The following RBM33 variants were observed in gnomAD, a reference collection of about 807,000 sequenced individuals.
The protein encoded by RBM33 is RNA binding motif protein 33.
In RBM33, 28 loss-of-function variants were observed where a neutral mutation model predicts 132.6. The observed-to-expected ratio is 0.21, with a 90% confidence interval of 0.16 to 0.29. The LOEUF (loss-of-function observed/expected upper bound fraction) is 0.29. Ranked by LOEUF, RBM33 falls within the 10% of genes least tolerant of loss-of-function variation. RBM33 has a pLI of 1.00. For synonymous variants in RBM33, 634 were observed against 593.0 expected, an observed-to-expected ratio of 1.07 and a Z score of -1.01; for missense variants, 1,291 against 1,518.5, an observed-to-expected ratio of 0.85 and a Z score of 2.49.
chr7:155,656,258 T>A (rs1335092412), intron 1 of RBM33, among the ~76,000 whole-genome samples: 1 of 152,222 alleles, frequency 6.6e-6, no homozygotes, highest in Non-Finnish European at 1.5e-5. Context: ...GTGTTAGCAT[T>A]TGGAGTACTA....
Position 155,774,703 on chromosome 7 carries a change from T to A in RBM33, c.3464+56T>A. On this transcript the variant is annotated intron_variant, in intron 17 of 17. Transcript: ENST00000401878. The surrounding 1 kb of genome is among the most constrained non-coding windows in gnomAD (Gnocchi z 4.2). ...AAGGGGGCGGGAGCAAGGCCCTCCT[T>A]CCTGTGCCCTCCCATCCATCATGGT... 11 of 1,315,196 alleles carry A rather than the reference T, an allele frequency of 8.4e-6. No individual in the cohort carries two copies. The highest frequency in any genetic ancestry group is 1.2e-5 in the Non-Finnish European group (11 of 907,346). 81.5% of individuals were successfully genotyped at this position (1,315,196 alleles called of 1,614,324 possible). A position where few individuals can be genotyped will look rare whatever the true frequency, so the allele number is the denominator to read the frequency against.
chr7:155,702,763 G>C (rs1258712339), intron 6 of RBM33, among the ~76,000 whole-genome samples: 1 of 152,192 alleles, frequency 6.6e-6, no homozygotes, highest in African/African-American at 2.4e-5. Flanking sequence ...GGAAGAGAAG[G>C]ATTAGTCATC....
At position 155,711,235 on chromosome 7, in the gene RBM33, TCAG is replaced by T. The variant is rs759672614; in HGVS notation, c.989_991del (p.Gln330del). ...CTCCCCCTCCACCGCCACCGCCGCC[TCAG>T]CAGCAGCCGATCAGAAGCCTGTTCC... On this transcript the variant is annotated inframe_deletion, in exon 8 of 18. Transcript: ENST00000401878. 2.8e-5 allele frequency: 45 copies of T among 1,592,504 alleles called. No homozygotes were observed. Among genetic ancestry groups the T allele is most frequent in the South Asian group, 4.5e-5 (4 of 88,666 alleles).
chr7:155,727,510 T>G (rs1800826082), intron 9 of RBM33, among the ~76,000 whole-genome samples: 1 of 152,144 alleles, frequency 6.6e-6, no homozygotes, highest in Non-Finnish European at 1.5e-5. Context: ...AAAGTGCCAC[T>G]TGTGTGCAAA....
chr7:155,700,646 C>A, intron 5 of RBM33, 127 bp from the exon 6 acceptor site: 5 of 475,272 alleles, frequency 1.1e-5, no homozygotes, highest in Middle Eastern at 7.8e-4. Flanking sequence ...GGCCTTTTAA[C>A]AGGACATTTT....
intron 9 of RBM33, among the ~76,000 whole-genome samples, chr7:155,728,266 C>T (rs1465809418): frequency 1.3e-5 from 2 of 152,160 alleles, no homozygotes; most frequent in East Asian, 3.9e-4. Flanking sequence ...CAGTTGCTCT[C>T]TTTCCCTGGG....
intron 5 of RBM33, among the ~76,000 whole-genome samples, chr7:155,695,607 G>C (rs147848509): frequency 6.6e-6 from 1 of 151,874 alleles, no homozygotes; most frequent in African/African-American, 2.4e-5. Flanking sequence ...TTACAGGCAC[G>C]TACCACCACA....
In RBM33 at chr7:155,702,240, C is replaced by T. The variant is rs543795006; in HGVS notation, c.739+1296C>T. On this transcript the variant is annotated intron_variant, in intron 6 of 17. Transcript: ENST00000401878. Reference sequence around the variant, plus strand: ...AGCCTGTATCTTTAAGTAGCAGATACGAATTCTGTGGGAGGACACTAAGCT... The same window carrying T: ...AGCCTGTATCTTTAAGTAGCAGATATGAATTCTGTGGGAGGACACTAAGCT... Among the ~76,000 whole-genome samples, 8 of 152,254 alleles carry T rather than the reference C, an allele frequency of 5.3e-5. No homozygotes were observed. The East Asian group carries it at 5.8e-4, about 11-fold the overall frequency.
chr7:155,718,001 T>G (rs1800515823), intron 8 of RBM33, among the ~76,000 whole-genome samples: 1 of 152,228 alleles, frequency 6.6e-6, no homozygotes, highest in Admixed American at 6.5e-5. Flanking sequence ...GAGATTTAAA[T>G]GTGTATATGA....
intron 5 of RBM33, among the ~76,000 whole-genome samples, chr7:155,699,708 T>C (rs1225325130): frequency 2.0e-5 from 3 of 152,208 alleles, no homozygotes; most frequent in Non-Finnish European, 4.4e-5. Flanking sequence ...TGGGAGGATT[T>C]ATAGTAGAGT....
At chr7:155,645,154 A>G (rs1037288011) in intron 1 of RBM33, 11 of 432,682 alleles carry the variant, frequency 2.5e-5, no homozygotes, top group Non-Finnish European at 4.5e-5. Context: ...TGTGTCCTCT[A>G]CTTTGCAAGG....
chr7:155,699,240 C>T (rs138825351), intron 5 of RBM33, among the ~76,000 whole-genome samples: 69 of 152,308 alleles, frequency 4.5e-4, no homozygotes, highest in African/African-American at 1.6e-3. Context: ...ACTTGCTACT[C>T]TACTCAGTGT....
rs556033927 is a variant in RBM33 at position 155,673,513 on chromosome 7, C to T, written c.171+598C>T. 2.9e-4 allele frequency among the ~76,000 whole-genome samples: 38 copies of T among 132,232 alleles called. 1 individual carries two copies. The highest frequency in any genetic ancestry group is 1.7e-3 in the East Asian group (8 of 4,686). The allele number at this position is 132,232 out of a possible 152,430, so 86.7% of individuals were successfully genotyped here. On this transcript the variant is annotated intron_variant, in intron 3 of 17. Coordinates refer to ENST00000401878, the MANE Select transcript of RBM33 (RefSeq NM_053043.3). Reference sequence around the variant, plus strand: ...ATATACACACATATATACATACACACGTGTATATATATACACACATATATA... The same window carrying T: ...ATATACACACATATATACATACACATGTGTATATATATACACACATATATA...
chr7:155,661,097 G>GTGT (rs1214054155), intron 1 of RBM33, among the ~76,000 whole-genome samples: 86 of 110,156 alleles, frequency 7.8e-4, no homozygotes, highest in African/African-American at 3.1e-3. Flanking sequence ...GTGTGTGTGT[G>GTGT]GTGTGTGTGT....
chr7:155,762,494 G>A (rs1802068933), intron 14 of RBM33, among the ~76,000 whole-genome samples: 1 of 152,176 alleles, frequency 6.6e-6, no homozygotes, highest in African/African-American at 2.4e-5. Flanking sequence ...GCTTACACTT[G>A]TTTTGGAGAG....
intron 14 of RBM33, among the ~76,000 whole-genome samples, chr7:155,756,818 T>A (rs1801866105): frequency 6.6e-6 from 1 of 150,614 alleles, no homozygotes; most frequent in Non-Finnish European, 1.5e-5. Context: ...GATAGCCGGG[T>A]AGCTTGGTGG....
chr7:155,762,288 C>A (rs1162689407), intron 14 of RBM33, among the ~76,000 whole-genome samples: 1 of 152,250 alleles, frequency 6.6e-6, no homozygotes, highest in Non-Finnish European at 1.5e-5. Context: ...ATGGGCTTCC[C>A]TGTGCCTTTC....
At chr7:155,673,940 G>GTTGTTGTTTGTTTTTGTT in intron 3 of RBM33, among the ~76,000 whole-genome samples, 7 of 54,196 alleles carry the variant, frequency 1.3e-4, no homozygotes, top group Non-Finnish European at 1.9e-4. Flanking sequence ...TTTAGGCTTA[G>GTTGTTGTTTGTTTTTGTT]TTTTTTTTTT....
rs7781441 is a variant in RBM33, at chr7:155,678,460, T to G, written c.172-148T>G. On this transcript the variant is annotated intron_variant, in intron 3 of 17. Coordinates refer to ENST00000401878, the MANE Select transcript of RBM33 (RefSeq NM_053043.3). ...TCCACATGCCTTGTGTGGGATTTCT[T>G]GATTATCCACTGGTGACCAGAAAGC... 4,894 of 551,172 alleles carry G rather than the reference T, an allele frequency of 8.9e-3. 180 individuals carry two copies. The highest frequency in any genetic ancestry group is 0.084 in the African/African-American group (4,352 of 51,630). 34.1% of individuals were successfully genotyped at this position (551,172 alleles called of 1,614,324 possible). A position where few individuals can be genotyped will look rare whatever the true frequency, so the allele number is the denominator to read the frequency against.
Sources: allele counts gnomAD v4.1 joint callset (sites outside exome capture counted in the v4.1 genomes callset), GRCh38; gene constraint gnomAD v4.1.1; non-coding constraint Gnocchi (gnomAD v3.1); transcripts MANE v1.5; gene names NCBI Gene and HGNC (gene_info 2026-07-23, HGNC 2026-07-21).